SCN8A: variants seen among roughly 807,000 people sequenced by gnomAD.
The protein encoded by SCN8A is sodium channel protein type 8 subunit alpha.
In SCN8A, 30 loss-of-function variants were observed where a neutral mutation model predicts 184.1. The observed-to-expected ratio is 0.16, with a 90% CI of 0.12 to 0.22. The LOEUF is 0.22. Among genes scored for constraint, SCN8A ranks in the 10% least tolerant of loss-of-function variants. The pLI is 1.00. For synonymous variants in SCN8A, 852 were observed against 907.0 expected (o/e 0.94, Z 1.09); for missense variants, 1,057 against 2,498.9 (o/e 0.42, Z 12.30).
intron 11 of SCN8A, among the ~76,000 whole-genome samples, chr12:51,707,940 TCTC>T (rs1297981336): frequency 1.3e-5 from 2 of 152,176 alleles, no homozygotes; most frequent in East Asian, 3.9e-4. Flanking sequence ...TCCATATTGT[TCTC>T]CTCTGGGAGG....
intron 20 of SCN8A, among the ~76,000 whole-genome samples, chr12:51,775,297 T>C (rs1283590823): frequency 1.3e-5 from 2 of 152,238 alleles, no homozygotes; most frequent in Non-Finnish European, 2.9e-5. Flanking sequence ...GAACTACCTG[T>C]AGAGTACCTC....
chr12:51,758,523 C>T (rs1322000116), intron 14 of SCN8A, among the ~76,000 whole-genome samples: 1 of 152,124 alleles, frequency 6.6e-6, no homozygotes, highest in African/African-American at 2.4e-5. Context: ...CTGCAACCTC[C>T]GTCTCCCAGG....
intron 2 of SCN8A, among the ~76,000 whole-genome samples, chr12:51,664,795 C>T (rs1485695511): frequency 6.6e-6 from 1 of 151,936 alleles, no homozygotes; most frequent in Non-Finnish European, 1.5e-5. Context: ...AAATGTGGGC[C>T]ATGGTGATTT....
chr12:51,711,130 T>C (rs568723091), intron 11 of SCN8A, among the ~76,000 whole-genome samples: 2 of 152,388 alleles, frequency 1.3e-5, no homozygotes, highest in South Asian at 4.1e-4. Flanking sequence ...AGTAGCTTTG[T>C]TGTAATTTTA....
At chr12:51,780,886 C>A in intron 21 of SCN8A, 115 bp downstream of exon 21, 1 of 1,243,894 alleles carries the variant, frequency 8.0e-7, no homozygotes, top group Non-Finnish European at 1.0e-6. Flanking sequence ...GATGCAGCTG[C>A]TGATTTGATC....
chr12:51,618,848 A>G (rs76535247), intron 1 of SCN8A, among the ~76,000 whole-genome samples: 1,650 of 152,322 alleles, frequency 0.011, 16 homozygotes, highest in Middle Eastern at 0.041. Flanking sequence ...GAATGACTTC[A>G]GTATTTTTGA....
intron 26 of SCN8A, among the ~76,000 whole-genome samples, chr12:51,800,769 A>G (rs2138931448): frequency 6.6e-6 from 1 of 152,348 alleles, no homozygotes; most frequent in Non-Finnish European, 1.5e-5. Context: ...AATCATTGTC[A>G]GCTCAGAGCC....
At chr12:51,612,910 A>G (rs772235285) in intron 1 of SCN8A, among the ~76,000 whole-genome samples, 2 of 152,098 alleles carry the variant, frequency 1.3e-5, no homozygotes, top group Non-Finnish European at 2.9e-5. Flanking sequence ...TTTAGTAGAG[A>G]TGGGGTTTCA....
chr12:51,651,324 T>G (rs748143065), intron 1 of SCN8A, among the ~76,000 whole-genome samples: 3 of 152,156 alleles, frequency 2.0e-5, no homozygotes, highest in Admixed American at 1.3e-4. Flanking sequence ...CTGCCTCAGC[T>G]TCCTGAGTAG....
intron 20 of SCN8A, among the ~76,000 whole-genome samples, chr12:51,776,281 A>G (rs907899864): frequency 6.6e-6 from 1 of 152,130 alleles, no homozygotes; most frequent in East Asian, 1.9e-4. Context: ...TTTATTTCAC[A>G]AACTTTTTTT....
chr12:51,774,130 C>A, intron 19 of SCN8A, 59 bp from the exon 20 acceptor site: 2 of 1,543,290 alleles, frequency 1.3e-6, no homozygotes, highest in African/African-American at 1.4e-5. Flanking sequence ...GATAGCAGTG[C>A]TCCCTGTGGC....
At position 51,705,437 on chromosome 12, in the gene SCN8A, A is replaced by G. The variant is rs764896192; in HGVS notation, c.1155A>G (p.Lys385=). The change falls in exon 10 of 27, where the codon AAA becomes AAG. Residue 385 remains lysine (K), a synonymous_variant. Transcript: ENST00000627620. ...LYQLTLRAAG[K]TYMIFFVLVI... ...TGCAGACTTTACGAGCAGCCGGGAA[A>G]ACATACATGATCTTCTTCGTCTTGG... The G allele has an allele frequency of 2.5e-6, 4 of 1,613,826 alleles. No individual in the cohort carries two copies. The highest frequency in any genetic ancestry group is 1.7e-5 in the Admixed American group (1 of 59,988).
chr12:51,781,538 C>A (rs553289706), intron 21 of SCN8A, among the ~76,000 whole-genome samples: 1 of 152,290 alleles, frequency 6.6e-6, no homozygotes, highest in Admixed American at 6.5e-5. Flanking sequence ...TGATACTCCA[C>A]CCAAAACAAT....
intron 1 of SCN8A, among the ~76,000 whole-genome samples, chr12:51,650,397 C>G (rs1940683255): frequency 6.6e-6 from 1 of 152,044 alleles, no homozygotes; most frequent in African/African-American, 2.4e-5. Flanking sequence ...CGTTTTCATG[C>G]TGCTGATAAA....
intron 26 of SCN8A, among the ~76,000 whole-genome samples, chr12:51,797,312 A>T (rs139311865): frequency 0.013 from 1,924 of 152,368 alleles, 33 homozygotes; most frequent in African/African-American, 0.041. Flanking sequence ...GAAGTCAACA[A>T]ATCTTACGTC....
At chr12:51,720,024 C>T (rs1200147757) in intron 11 of SCN8A, among the ~76,000 whole-genome samples, 2 of 136,120 alleles carry the variant, frequency 1.5e-5, no homozygotes, top group Admixed American at 8.8e-5. Flanking sequence ...TGCAGTGAGC[C>T]GAGATCGCGC....
intron 13 of SCN8A, among the ~76,000 whole-genome samples, chr12:51,750,376 A>T (rs886586635): frequency 1.3e-4 from 20 of 152,236 alleles, no homozygotes; most frequent in African/African-American, 4.3e-4. Context: ...TGACCCAGGG[A>T]GGGAAGGAGG....
intron 11 of SCN8A, among the ~76,000 whole-genome samples, chr12:51,714,691 A>G (rs1004498379): frequency 6.6e-6 from 1 of 152,210 alleles, no homozygotes; most frequent in Admixed American, 6.5e-5. Flanking sequence ...CCTTCATCAC[A>G]TTCCAAACAT....
rs776485215 is a variant in SCN8A, at chr12:51,789,412, G to A, written c.4413G>A (p.Lys1471=). 1.1e-5 allele frequency: 18 copies of A among 1,613,540 alleles called. No individual in the cohort carries two copies. The highest frequency in any genetic ancestry group is 3.3e-5 in the Admixed American group (2 of 59,932). Residue 1471 remains lysine, a synonymous_variant, in exon 24 of 27, where the codon AAG becomes AAA. Coordinates refer to ENST00000627620, the MANE Select transcript of SCN8A (RefSeq NM_001330260.2). ...TCATTGATAACTTCAATCAACAAAA[G>A]AAAAAGATAGGTCTCCTCCCCTCAT... The part of the protein sequence containing the change: ...GVIIDNFNQQ[K]KKFGGQDIFM...
Sources: gnomAD v4.1 joint callset for allele counts (sites outside exome capture counted in the v4.1 genomes callset) on GRCh38, gnomAD v4.1.1 for gene constraint, MANE v1.5 for transcripts, NCBI Gene and HGNC (gene_info 2026-07-23, HGNC 2026-07-21) for gene names.